Variants in EXOSC10 observed in about 807,000 individuals in gnomAD.
The protein encoded by EXOSC10 is exosome complex component 10.
A neutral mutation model predicts 126.6 loss-of-function variants in EXOSC10; 94 were observed. The observed-to-expected ratio is 0.74, with a 90% CI of 0.63 to 0.88. The LOEUF is 0.88. Among genes scored for constraint, EXOSC10 ranks in the 40% least tolerant of loss-of-function variants. The probability of loss-of-function intolerance (pLI) is 0.00; values close to 1 mark genes in which losing one functional copy is unlikely to be tolerated. For synonymous variants in EXOSC10, 395 were observed against 400.8 expected (o/e 0.99, Z 0.17); for missense variants, 1,041 against 1,100.5 (o/e 0.95, Z 0.77).
rs751321919 is a variant in EXOSC10, at chr1:11,099,825, G to A, written c.7C>T (p.Pro3Ser). MAPPSTREPRVLS... is the reference protein window; with the variant it reads MASPSTREPRVLS... Reference sequence around the variant, plus strand: ...ACCCTGGGCTCCCGGGTACTGGGTGGCGCCATTTTTTCAGCCTGCACGGCT... The same window carrying A: ...ACCCTGGGCTCCCGGGTACTGGGTGACGCCATTTTTTCAGCCTGCACGGCT... The change falls in exon 1 of 25, where the codon CCA becomes TCA. Residue 3 changes from proline to serine, a missense_variant. Coordinates refer to ENST00000376936, the MANE Select transcript of EXOSC10 (RefSeq NM_001001998.3). 8 of 1,605,328 alleles carry A rather than the reference G, an allele frequency of 5.0e-6. No homozygotes were observed. The African/African-American group carries it at 5.4e-5, about 11-fold the overall frequency.
At chr1:11,099,647 G>T in intron 1 of EXOSC10, 74 bp downstream of exon 1, 1 of 1,415,366 alleles carries the variant, frequency 7.1e-7, no homozygotes, top group Non-Finnish European at 9.3e-7. Context: ...GCGGGCATTG[G>T]CTGCCCAGAG....
At chr1:11,066,884 C>T (rs6701726) in intron 24 of EXOSC10, 136 bp from the exon 25 acceptor site, 662,253 of 940,086 alleles carry the variant, frequency 0.7, 241,427 homozygotes, top group East Asian at 0.8. Context: ...GAGAACTCGG[C>T]GGCCCACCAG....
chr1:11,071,066 G>A, intron 20 of EXOSC10, 93 bp from the exon 21 acceptor site: 1 of 1,101,296 alleles, frequency 9.1e-7, no homozygotes, highest in Non-Finnish European at 1.3e-6. Flanking sequence ...CTAGCCACAG[G>A]GGTTGTCACG....
intron 2 of EXOSC10, 80 bp downstream of exon 2, chr1:11,097,940 A>G: frequency 7.4e-7 from 1 of 1,357,170 alleles, no homozygotes; most frequent in East Asian, 2.7e-5. Context: ...TTAAGGAAAA[A>G]TAAATTTCAG....
rs1305272961 is a variant in EXOSC10, at chr1:11,081,096, C to T, written c.1423G>A (p.Asp475Asn). ...CTGAGGTGTACCTTGAGGCAGATGT[C>T]CCTGCTCCGTTGCCACACCACCTGC... ...QLQVVWQRSR[D>N]ICLKKFIKPI... Residue 475 changes from aspartate (D) to asparagine (N), a missense_variant, in exon 11 of 25, where the codon GAC becomes AAC. This residue lies in a region of EXOSC10 where 645 missense variants were observed against 656.3 expected (regional missense o/e 0.98). Coordinates refer to ENST00000376936, the MANE Select transcript of EXOSC10 (RefSeq NM_001001998.3). 5.0e-6 allele frequency: 8 copies of T among 1,614,054 alleles called. No individual in the cohort carries two copies. Among genetic ancestry groups the T allele is most frequent in the Non-Finnish European group, 6.8e-6 (8 of 1,180,032 alleles).
chr1:11,071,958 C>T lies in EXOSC10; in HGVS notation c.2242+129G>A, dbSNP rs1005460035. 4.4e-5 allele frequency: 31 copies of T among 708,278 alleles called. 1 individual carries two copies. In the South Asian group the frequency reaches 4.4e-4, roughly 10 times the overall value. 43.9% of individuals were successfully genotyped at this position (708,278 alleles called of 1,614,324 possible). A position where few individuals can be genotyped will look rare whatever the true frequency, so the allele number is the denominator to read the frequency against. On this transcript the variant is annotated intron_variant, in intron 20 of 24. Coordinates refer to ENST00000376936, the MANE Select transcript of EXOSC10 (RefSeq NM_001001998.3). ...TGCCAGGATAGATACTGATTGCCCA[C>T]CATCCCTCAGCAGAAGGGAAGCCCC...
In EXOSC10 at chr1:11,069,244, T is replaced by TGTGTGTGTGTGTGAGAGA; in HGVS notation, c.2488+314_2488+315insTCTCTCACACACACACAC. ...ACAAAATTCTGTGTGTGTGTGTGTG[T>TGTGTGTGTGTGTGAGAGA]GAGAGAGAGAGAGAGGGTTTATGGG... On this transcript the variant is annotated intron_variant, in intron 22 of 24. Transcript: ENST00000376936. Among the ~76,000 whole-genome samples the TGTGTGTGTGTGTGAGAGA allele has an allele frequency of 2.4e-4, 28 of 116,892 alleles. No individual in the cohort carries two copies. In the East Asian group the frequency reaches 5.0e-3, roughly 21 times the overall value. The allele number at this position is 116,892 out of a possible 152,430, so 76.7% of individuals were successfully genotyped here.
At chr1:11,094,846 C>T (rs1489163182) in intron 3 of EXOSC10, among the ~76,000 whole-genome samples, 1 of 152,054 alleles carries the variant, frequency 6.6e-6, no homozygotes, top group Non-Finnish European at 1.5e-5. Flanking sequence ...GGTGATCACC[C>T]GCCTTGGCCT....
chr1:11,083,776 C>T (rs553018717), intron 9 of EXOSC10, among the ~76,000 whole-genome samples: 4 of 152,268 alleles, frequency 2.6e-5, no homozygotes, highest in South Asian at 4.1e-4. Flanking sequence ...ATCCCTCCCC[C>T]CTTTCCCCAC....
rs766343669 is a variant in EXOSC10, at chr1:11,079,783, C to T, written c.1677G>A (p.Pro559=). Residue 559 remains proline, a synonymous_variant, in exon 14 of 25, where the codon CCG becomes CCA. Coordinates refer to ENST00000376936, the MANE Select transcript of EXOSC10 (RefSeq NM_001001998.3). ...CGTTGATCTGCTGCCGCACAAGGGG[C>T]GGTACTGGGTTGCAGCAAGCTATGA... is the stretch of plus-strand genomic sequence containing the variant. ...QGIIACCNPV[P]PLVRQQINEM... 18 of 1,613,528 alleles carry T rather than the reference C, an allele frequency of 1.1e-5. No homozygotes were observed. The highest frequency in any genetic ancestry group is 4.0e-5 in the African/African-American group (3 of 74,912).
chr1:11,093,842 G>A (rs1553168069), intron 3 of EXOSC10, among the ~76,000 whole-genome samples: 31 of 152,076 alleles, frequency 2.0e-4, no homozygotes, highest in Non-Finnish European at 1.5e-5. Flanking sequence ...GAGGTGGGGG[G>A]GGATTGTTTG....
Position 11,095,740 on chromosome 1 carries a change from G to C in EXOSC10, c.372+18C>G. 6.2e-7 allele frequency: 1 copy of C among 1,611,474 alleles called. No individual in the cohort carries two copies. The highest frequency in any genetic ancestry group is 8.5e-7 in the Non-Finnish European group (1 of 1,178,038). On this transcript the variant is annotated intron_variant, in intron 3 of 24. Transcript: ENST00000376936. The stretch of plus-strand genomic sequence containing the variant: ...AAAACAAAACAAAACAAAAAAAAGA[G>C]TAAGGGAAAATACTCACCACTCTCT...
rs138641610 is a variant in EXOSC10, at chr1:11,074,283, G to C, written c.2030C>G (p.Ala677Gly). 5 of 1,613,986 alleles carry C rather than the reference G, an allele frequency of 3.1e-6. No homozygotes were observed. Among genetic ancestry groups the C allele is most frequent in the Non-Finnish European group, 4.2e-6 (5 of 1,180,010 alleles). The change falls in exon 18 of 25, where the codon GCA (alanine) becomes GGA (glycine). Residue 677 changes from alanine to glycine, a missense_variant. Ala to Gly is a moderately conservative substitution (Grantham distance 60, BLOSUM62 0). Coordinates refer to ENST00000376936, the MANE Select transcript of EXOSC10 (RefSeq NM_001001998.3). The stretch of plus-strand genomic sequence containing the variant: ...CATGATGTTCTGGGCTTTTTTCTGT[G>C]CAACTGTCAATGGACCCTTTTTACT... ...EDSKKGPLTV[A>G]QKKAQNIMES...
chr1:11,099,807 G>A lies in EXOSC10; in HGVS notation c.25C>T (p.Pro9Ser). 1.9e-6 allele frequency: 3 copies of A among 1,611,476 alleles called. No individual in the cohort carries two copies. The highest frequency in any genetic ancestry group is 1.3e-5 in the African/African-American group (1 of 74,774). Residue 9 changes from proline (P) to serine (S), a missense_variant, in exon 1 of 25, where the codon CCC becomes TCC. Transcript: ENST00000376936. ...GCGCTGGTCGCCGACAGGACCCTGG[G>A]CTCCCGGGTACTGGGTGGCGCCATT... is the stretch of plus-strand genomic sequence containing the variant. MAPPSTRE[P>S]RVLSATSATK...
At chr1:11,071,022 C>T (rs1482639805) in intron 20 of EXOSC10, 49 bp from the exon 21 acceptor site, 2 of 1,557,156 alleles carry the variant, frequency 1.3e-6, no homozygotes, top group Non-Finnish European at 1.8e-6. Flanking sequence ...CAGCAACCAC[C>T]CTCCCCTCCA....
Position 11,077,043 on chromosome 1 carries a change from G to GTA in EXOSC10, c.1880-97_1880-96dup, listed in dbSNP as rs1639858052. 13 of 891,614 alleles carry GTA rather than the reference G, an allele frequency of 1.5e-5. No homozygotes were observed. The East Asian group carries it at 3.3e-4, about 22-fold the overall frequency. 55.2% of individuals were successfully genotyped at this position (891,614 alleles called of 1,614,324 possible). On this transcript the variant is annotated intron_variant, in intron 16 of 24. Coordinates refer to ENST00000376936, the MANE Select transcript of EXOSC10 (RefSeq NM_001001998.3). ...TTTTAGTGTAGTCCCCTAGGCTGGA[G>GTA]TACAATGGCACAATCTCGGCTCACT...
intron 9 of EXOSC10, among the ~76,000 whole-genome samples, chr1:11,087,207 T>C (rs1223151254): frequency 6.6e-6 from 1 of 152,204 alleles, no homozygotes; most frequent in Admixed American, 6.6e-5. Context: ...TCTTGATGGC[T>C]GGGGCTCACT....
intron 3 of EXOSC10, 43 bp downstream of exon 3, chr1:11,095,715 A>T (rs1056724770): frequency 1.1e-5 from 18 of 1,586,836 alleles, no homozygotes; most frequent in Non-Finnish European, 1.6e-5. Flanking sequence ...CTCCGTCTCA[A>T]AAACAAAACA....
chr1:11,075,651 G>A (rs995690071), intron 17 of EXOSC10, among the ~76,000 whole-genome samples: 7 of 152,066 alleles, frequency 4.6e-5, no homozygotes, highest in African/African-American at 7.2e-5. Flanking sequence ...AAAAACCAAA[G>A]TGAAGCCTGG....
Sources: gnomAD v4.1 joint callset for allele counts (sites outside exome capture counted in the v4.1 genomes callset) on GRCh38, gnomAD v4.1.1 for gene constraint, gnomAD v4.1.1 regional missense constraint, MANE v1.5 for transcripts, NCBI Gene and HGNC (gene_info 2026-07-23, HGNC 2026-07-21) for gene names.